Variants in MACROD2 observed in about 807,000 individuals in gnomAD.
MACROD2 encodes the protein mono-ADP ribosylhydrolase 2.
Under a neutral mutation model 70.4 loss-of-function variants are expected in MACROD2, and 36 were observed. The observed-to-expected ratio is 0.51, with a 90% CI of 0.39 to 0.68. The LOEUF (loss-of-function observed/expected upper bound fraction) is 0.68. Ranked by LOEUF, MACROD2 falls within the 30% of genes least tolerant of loss-of-function variation. The pLI, the probability that MACROD2 is intolerant of heterozygous loss-of-function variation, is 0.00. For synonymous variants in MACROD2, 172 were observed against 178.8 expected (o/e 0.96, Z 0.30); for missense variants, 496 against 538.4 (o/e 0.92, Z 0.78).
At chr20:15,457,478 A>G (rs1024717383) in intron 7 of MACROD2, among the ~76,000 whole-genome samples, 2 of 152,136 alleles carry the variant, frequency 1.3e-5, no homozygotes, top group African/African-American at 4.8e-5. Flanking sequence ...GAAATATCCC[A>G]GGTGGAAATA....
At position 15,305,285 on chromosome 20, in the gene MACROD2, C is replaced by T. The variant is rs750231355; in HGVS notation, c.540+75224C>T. On this transcript the variant is annotated intron_variant, in intron 6 of 17. Transcript: ENST00000684519. ...AAGATATTTTCTCCATGAAACAGCG[C>T]ACCTATTGAACATATTTACATTGTT... Among the ~76,000 whole-genome samples, 5 of 152,032 alleles carry T rather than the reference C, an allele frequency of 3.3e-5. No homozygotes were observed. The South Asian group carries it at 8.3e-4, about 25-fold the overall frequency.
chr20:15,058,212 AAAG>A (rs1290129861), intron 5 of MACROD2, among the ~76,000 whole-genome samples: 1 of 152,172 alleles, frequency 6.6e-6, no homozygotes, highest in Non-Finnish European at 1.5e-5. Context: ...GGAGTCAAAA[AAAG>A]GTTAAAGGGG....
At chr20:14,745,432 A>G (rs145172657) in intron 5 of MACROD2, among the ~76,000 whole-genome samples, 1,937 of 152,232 alleles carry the variant, frequency 0.013, 54 homozygotes, top group African/African-American at 0.044. Flanking sequence ...TGTCCTGCAG[A>G]GGCAGTGTTA....
chr20:15,902,158 A>C (rs2065073395), intron 10 of MACROD2, among the ~76,000 whole-genome samples: 1 of 152,202 alleles, frequency 6.6e-6, no homozygotes, highest in South Asian at 2.1e-4. Context: ...AGAAACATCC[A>C]CTGCATCCTC....
intron 6 of MACROD2, among the ~76,000 whole-genome samples, chr20:15,391,496 C>T (rs558263941): frequency 6.6e-5 from 10 of 152,152 alleles, no homozygotes; most frequent in African/African-American, 9.7e-5. Context: ...TTGCCAAAGG[C>T]GAGCAGGTCT....
intron 2 of MACROD2, among the ~76,000 whole-genome samples, chr20:14,008,600 C>T (rs932890036): frequency 2.6e-5 from 4 of 152,170 alleles, no homozygotes; most frequent in Non-Finnish European, 4.4e-5. Context: ...ACATTCTTCA[C>T]AGAATTAGAA....
At chr20:14,518,393 A>C (rs2085126706) in intron 4 of MACROD2, among the ~76,000 whole-genome samples, 1 of 152,250 alleles carries the variant, frequency 6.6e-6, no homozygotes, top group Non-Finnish European at 1.5e-5. Flanking sequence ...ATTTCATTAG[A>C]TAGAACTTCA....
chr20:14,769,152 G>A (rs1471898861), intron 5 of MACROD2, among the ~76,000 whole-genome samples: 1 of 152,072 alleles, frequency 6.6e-6, no homozygotes, highest in African/African-American at 2.4e-5. Context: ...TTCCCTCTCA[G>A]TGCAGTTTGA....
chr20:15,562,048 A>G (rs1391424759), intron 8 of MACROD2, among the ~76,000 whole-genome samples: 2 of 152,190 alleles, frequency 1.3e-5, no homozygotes, highest in Admixed American at 6.5e-5. Context: ...CAATATGATC[A>G]TAATAAAGTT....
At chr20:15,861,010 C>T (rs948759687) in intron 8 of MACROD2, among the ~76,000 whole-genome samples, 1 of 152,116 alleles carries the variant, frequency 6.6e-6, no homozygotes, top group African/African-American at 2.4e-5. Flanking sequence ...AGTGGAAAGA[C>T]CCTAGTTAGA....
chr20:15,114,448 A>G (rs546309887), intron 5 of MACROD2, among the ~76,000 whole-genome samples: 74 of 152,238 alleles, frequency 4.9e-4, no homozygotes, highest in African/African-American at 1.7e-3. Context: ...TGGGCCACCT[A>G]AGGAGGTGAG....
rs1455346389 is a variant in MACROD2 at position 14,742,677 on chromosome 20, T to G, written c.418+57718T>G. 2.0e-5 allele frequency among the ~76,000 whole-genome samples: 3 copies of G among 152,088 alleles called. No homozygotes were observed. The East Asian group carries it at 5.8e-4, about 29-fold the overall frequency. The stretch of plus-strand genomic sequence containing the variant: ...AAGGTTCCTAGCCCTGGACACTAAT[T>G]CTAGGAAAAATATTGAAAAGAGGAA... On this transcript the variant is annotated intron_variant, in intron 5 of 17. Transcript: ENST00000684519.
chr20:14,886,855 A>G (rs2073682750), intron 5 of MACROD2, among the ~76,000 whole-genome samples: 1 of 152,188 alleles, frequency 6.6e-6, no homozygotes, highest in Non-Finnish European at 1.5e-5. Context: ...GAAGAGAAGA[A>G]ATAAAATTCT....
chr20:14,077,682 G>C (rs1428268141), intron 2 of MACROD2, among the ~76,000 whole-genome samples: 1 of 152,126 alleles, frequency 6.6e-6, no homozygotes, highest in African/African-American at 2.4e-5. Context: ...AATCTGAATG[G>C]ATATGGAAAA....
At chr20:15,090,206 C>CAT (rs10566528) in intron 5 of MACROD2, among the ~76,000 whole-genome samples, 54,897 of 150,626 alleles carry the variant, frequency 0.36, 11,041 homozygotes, top group Non-Finnish European at 0.46. Flanking sequence ...GATAAATGTA[C>CAT]ATATATATAT....
At chr20:14,924,811 A>G (rs533041889) in intron 5 of MACROD2, among the ~76,000 whole-genome samples, 3 of 152,272 alleles carry the variant, frequency 2.0e-5, no homozygotes, top group East Asian at 3.9e-4. Flanking sequence ...TCTATTTTCT[A>G]TCACCCAATT....
At chr20:15,388,740 G>C (rs2045753476) in intron 6 of MACROD2, among the ~76,000 whole-genome samples, 1 of 152,152 alleles carries the variant, frequency 6.6e-6, no homozygotes, top group Non-Finnish European at 1.5e-5. Flanking sequence ...AGCTAGTCAA[G>C]TTAAAGTCAA....
intron 3 of MACROD2, among the ~76,000 whole-genome samples, chr20:14,106,497 G>T (rs1444741269): frequency 6.6e-6 from 1 of 152,124 alleles, no homozygotes; most frequent in Non-Finnish European, 1.5e-5. Context: ...GGGCCTGGGG[G>T]ATCTCATTGC....
chr20:15,387,715 G>C (rs1195246585), intron 6 of MACROD2, among the ~76,000 whole-genome samples: 1 of 148,976 alleles, frequency 6.7e-6, no homozygotes, highest in Non-Finnish European at 1.5e-5. Flanking sequence ...CTAAAATCAT[G>C]TGTTAAGTAC....
Sources: gnomAD v4.1 joint callset for allele counts (sites outside exome capture counted in the v4.1 genomes callset) on GRCh38, gnomAD v4.1.1 for gene constraint, MANE v1.5 for transcripts, NCBI Gene and HGNC (gene_info 2026-07-23, HGNC 2026-07-21) for gene names.